Variants in B4GALNT3 observed in about 807,000 individuals in gnomAD.
B4GALNT3 encodes beta-1,4-N-acetylgalactosaminyltransferase 3.
B4GALNT3 carries 86 observed loss-of-function variants against 120.2 expected under a neutral mutation model. The observed-to-expected ratio is 0.72, with a 90% CI of 0.60 to 0.86. B4GALNT3 has a LOEUF of 0.86. B4GALNT3 is among the 40% of genes least tolerant of loss of function. B4GALNT3 has a pLI of 0.00. For missense variants in B4GALNT3, 1,167 were observed against 1,298.9 expected (o/e 0.90, Z 1.56); for synonymous variants, 518 against 510.4 (o/e 1.01, Z -0.20).
chr12:505,929 A>T (rs1461023935), intron 1 of B4GALNT3, among the ~76,000 whole-genome samples: 1 of 152,224 alleles, frequency 6.6e-6, no homozygotes, highest in Non-Finnish European at 1.5e-5. Flanking sequence ...TTGCAACTCC[A>T]TCCATCTATT....
intron 1 of B4GALNT3, among the ~76,000 whole-genome samples, chr12:519,616 G>A (rs970892537): frequency 3.0e-5 from 3 of 98,792 alleles, no homozygotes; most frequent in East Asian, 6.2e-4. Flanking sequence ...TTTTTTTTCC[G>A]GTAAGGATCA....
intron 6 of B4GALNT3, among the ~76,000 whole-genome samples, chr12:546,201 TGA>T (rs1478056266): frequency 1.7e-5 from 1 of 60,130 alleles, no homozygotes; most frequent in Non-Finnish European, 3.2e-5. Context: ...GCAGGGGGTG[TGA>T]GAGGAGGGAG....
chr12:538,173 T>C (rs1312230094), intron 3 of B4GALNT3, among the ~76,000 whole-genome samples: 2 of 152,202 alleles, frequency 1.3e-5, no homozygotes, highest in Non-Finnish European at 2.9e-5. Context: ...CTACATTTAT[T>C]AATAATTAAT....
At position 559,290 on chromosome 12, in the gene B4GALNT3, C is replaced by T. The variant is rs770369631; in HGVS notation, c.2762-5C>T. ...ATCTCACCCGAAGCTCCTGTCTGTCCACAGGCTACTGGGAGGTGAATGGGT... is the reference window on the plus strand; with the variant it reads ...ATCTCACCCGAAGCTCCTGTCTGTCTACAGGCTACTGGGAGGTGAATGGGT... On this transcript the variant is annotated splice_polypyrimidine_tract_variant and splice_region_variant and intron_variant, in intron 18 of 19. Transcript: ENST00000266383. 9.3e-6 allele frequency: 15 copies of T among 1,613,922 alleles called. No homozygotes were observed. The highest frequency in any genetic ancestry group is 1.3e-5 in the African/African-American group (1 of 75,052).
At chr12:533,230 G>A (rs1325581086) in intron 1 of B4GALNT3, among the ~76,000 whole-genome samples, 1 of 152,234 alleles carries the variant, frequency 6.6e-6, no homozygotes, top group Non-Finnish European at 1.5e-5. Context: ...TGAACAAGCA[G>A]TTTTCCCCTG....
At chr12:464,688 G>T (rs1197286987) in intron 1 of B4GALNT3, among the ~76,000 whole-genome samples, 1 of 152,060 alleles carries the variant, frequency 6.6e-6, no homozygotes, top group East Asian at 1.9e-4. Context: ...ATGACATTTG[G>T]GCGCAAATCC....
intron 1 of B4GALNT3, among the ~76,000 whole-genome samples, chr12:468,977 A>G (rs997196507): frequency 6.6e-6 from 1 of 152,232 alleles, no homozygotes; most frequent in Admixed American, 6.5e-5. Context: ...CAAAGACTTT[A>G]TGTATAAATG....
intron 1 of B4GALNT3, among the ~76,000 whole-genome samples, chr12:462,850 G>T (rs1340704104): frequency 1.3e-5 from 2 of 152,176 alleles, no homozygotes; most frequent in Non-Finnish European, 2.9e-5. Flanking sequence ...TTGCATCAAA[G>T]TTCCCTCTTT....
chr12:508,318 C>T (rs980532752), intron 1 of B4GALNT3, among the ~76,000 whole-genome samples: 4 of 152,172 alleles, frequency 2.6e-5, no homozygotes, highest in African/African-American at 4.8e-5. Flanking sequence ...TCACCCAGGC[C>T]ACCCAAGCTG....
chr12:536,552 C>T (rs67780805), intron 3 of B4GALNT3, among the ~76,000 whole-genome samples: 23,700 of 152,086 alleles, frequency 0.16, 2,121 homozygotes, highest in African/African-American at 0.23. Flanking sequence ...CTCACTATGT[C>T]GGCCAGGCTA....
chr12:510,719 CAG>C (rs1946539404), intron 1 of B4GALNT3, among the ~76,000 whole-genome samples: 1 of 152,076 alleles, frequency 6.6e-6, no homozygotes, highest in South Asian at 2.1e-4. Flanking sequence ...CACAATTAAA[CAG>C]GGAGTGGAGA....
In B4GALNT3 at chr12:548,358, G is replaced by A; in HGVS notation, c.853+61G>A. The stretch of plus-strand genomic sequence containing the variant: ...CCAGGTGGGGACAGCCTACCCTGGG[G>A]GATTTGGCAGGGGAGGAGGGGAGGA... On this transcript the variant is annotated intron_variant, in intron 9 of 19. Transcript: ENST00000266383. The surrounding 1 kb of genome is among the most constrained non-coding windows in gnomAD (Gnocchi z 4.9). The A allele has an allele frequency of 6.6e-7, 1 of 1,524,218 alleles. No homozygotes were observed. 94.4% of individuals were successfully genotyped at this position (1,524,218 alleles called of 1,614,324 possible). A position where few individuals can be genotyped will look rare whatever the true frequency, so the allele number is the denominator to read the frequency against.
chr12:553,548 C>G lies in B4GALNT3; in HGVS notation c.1625C>G (p.Pro542Arg), dbSNP rs538602708. 8 of 1,613,984 alleles carry G rather than the reference C, an allele frequency of 5.0e-6. No individual in the cohort carries two copies. The South Asian group carries it at 6.6e-5, about 13-fold the overall frequency. ...CCTGGGCACCCTGTGAAGAACCTGCCTCAGATGAGGGGGCCCAGGCCCAGG... is the reference window on the plus strand; with the variant it reads ...CCTGGGCACCCTGTGAAGAACCTGCGTCAGATGAGGGGGCCCAGGCCCAGG... The part of the protein sequence containing the change: ...WPPGHPVKNL[P>R]QMRGPRPRPA... The change falls in exon 14 of 20, where the codon CCT becomes CGT. Residue 542 changes from proline to arginine, a missense_variant. By Grantham distance (103) the Pro-to-Arg change is moderately radical. Transcript: ENST00000266383.
At chr12:552,857 T>G in intron 13 of B4GALNT3, 1 of 498,914 alleles carries the variant, frequency 2.0e-6, no homozygotes. Flanking sequence ...AGCACTGTCT[T>G]CTGGGGCCTT....
intron 1 of B4GALNT3, among the ~76,000 whole-genome samples, chr12:531,345 C>T (rs1177841144): frequency 6.6e-6 from 1 of 151,926 alleles, no homozygotes; most frequent in Non-Finnish European, 1.5e-5. Flanking sequence ...CTGCTTACTA[C>T]TCTGGTCAAT....
chr12:548,041 G>A lies in B4GALNT3; in HGVS notation c.725G>A (p.Arg242Lys), dbSNP rs756456841. 3.1e-6 allele frequency: 5 copies of A among 1,613,966 alleles called. No homozygotes were observed. Among genetic ancestry groups the A allele is most frequent in the Non-Finnish European group, 3.4e-6 (4 of 1,180,016 alleles). Residue 242 changes from arginine to lysine, a missense_variant, in exon 8 of 20, where the codon AGG (arginine) becomes AAG (lysine). Arg to Lys is a conservative substitution (Grantham distance 26, BLOSUM62 2). Around this residue, in one of 3 missense-constraint regions of B4GALNT3, gnomAD observed 983 missense variants for 1,102.5 expected, o/e 0.89. Coordinates refer to ENST00000266383, the MANE Select transcript of B4GALNT3 (RefSeq NM_173593.4). This position sits in a 1 kb window ranked among gnomAD's most constrained non-coding sequence, Gnocchi z 4.9. ...SKPVSLSASH[R>K]YYFEVLHKQN... ...CCCGCCAGCCTGTCAGCCTCCCACA[G>A]GTACTACTTCGAGGTGCTGCACAAG...
chr12:501,141 C>G (rs943128160), intron 1 of B4GALNT3, among the ~76,000 whole-genome samples: 2 of 152,090 alleles, frequency 1.3e-5, no homozygotes, highest in African/African-American at 2.4e-5. Flanking sequence ...TCCCAAAGTG[C>G]TGGGATTATA....
Position 513,652 on chromosome 12 carries a change from G to C in B4GALNT3, c.170-21514G>C, listed in dbSNP as rs187625364. 1.4e-3 allele frequency among the ~76,000 whole-genome samples: 216 copies of C among 152,278 alleles called. 1 individual carries two copies. Among genetic ancestry groups the C allele is most frequent in the African/African-American group, 4.9e-3 (204 of 41,550 alleles). Reference sequence around the variant, plus strand: ...CTATCTCATTCTGTGATTAAGAATGGCTTAACTTACTGGGAATGCAGTCCA... The same window carrying C: ...CTATCTCATTCTGTGATTAAGAATGCCTTAACTTACTGGGAATGCAGTCCA... On this transcript the variant is annotated intron_variant, in intron 1 of 19. Coordinates refer to ENST00000266383, the MANE Select transcript of B4GALNT3 (RefSeq NM_173593.4).
chr12:536,259 C>T lies in B4GALNT3; in HGVS notation c.315C>T (p.Tyr105=). The T allele has an allele frequency of 6.2e-7, 1 of 1,614,176 alleles. No homozygotes were observed. Among genetic ancestry groups the T allele is most frequent in the Non-Finnish European group, 8.5e-7 (1 of 1,180,012 alleles). ...AAGGGGTGAGCAGTAACAGCAGCTACTTGAAGTGGAACAAGCCTGTCCCCT... is the reference window on the plus strand; with the variant it reads ...AAGGGGTGAGCAGTAACAGCAGCTATTTGAAGTGGAACAAGCCTGTCCCCT... ...IDQGVSSNSS[Y]LKWNKPVPWL... The change falls in exon 3 of 20, where the codon TAC becomes TAT. Residue 105 remains tyrosine (Y), a synonymous_variant. Transcript: ENST00000266383.
Sources: allele counts gnomAD v4.1 joint callset (sites outside exome capture counted in the v4.1 genomes callset), GRCh38; gene constraint gnomAD v4.1.1; regional missense constraint gnomAD v4.1.1; non-coding constraint Gnocchi (gnomAD v3.1); transcripts MANE v1.5; gene names NCBI Gene and HGNC (gene_info 2026-07-23, HGNC 2026-07-21).